MTUS2: variants seen among roughly 807,000 people sequenced by gnomAD.
MTUS2 encodes the protein microtubule-associated tumor suppressor candidate 2.
Under a neutral mutation model 114.1 loss-of-function variants are expected in MTUS2, and 40 were observed. The ratio of observed to expected loss-of-function variants is 0.35; its 90% CI spans 0.27 to 0.46. The LOEUF (loss-of-function observed/expected upper bound fraction) is 0.46. Among genes scored for constraint, MTUS2 ranks in the 20% least tolerant of loss-of-function variants. MTUS2 has a pLI of 1.00. For missense variants in MTUS2, 1,679 were observed against 1,705.4 expected, an observed-to-expected ratio of 0.98 and a Z score of 0.27; for synonymous variants, 688 against 672.0, an observed-to-expected ratio of 1.02 and a Z score of -0.37.
intron 5 of MTUS2, among the ~76,000 whole-genome samples, chr13:29,101,930 T>TGGG (rs1185155854): frequency 6.6e-6 from 1 of 152,244 alleles, no homozygotes; most frequent in African/African-American, 2.4e-5. Context: ...AGTTCTAAAT[T>TGGG]TTGGTCTACC....
intron 7 of MTUS2, among the ~76,000 whole-genome samples, chr13:29,355,574 A>T (rs765528378): frequency 4.6e-5 from 7 of 152,216 alleles, no homozygotes; most frequent in Non-Finnish European, 8.8e-5. Context: ...AGGACAATGG[A>T]TTGCCTGAGG....
chr13:28,932,954 TA>T (rs1881693548), intron 2 of MTUS2, among the ~76,000 whole-genome samples: 1 of 152,018 alleles, frequency 6.6e-6, no homozygotes, highest in Admixed American at 6.6e-5. Context: ...ACATCCAAAA[TA>T]AAGGGCATAG....
intron 2 of MTUS2, among the ~76,000 whole-genome samples, chr13:28,927,017 G>A (rs1881362410): frequency 6.6e-6 from 1 of 152,106 alleles, no homozygotes. Context: ...CTTCCCTGGG[G>A]AGTCAGGTGC....
At chr13:29,184,255 T>C (rs1401445466) in intron 5 of MTUS2, among the ~76,000 whole-genome samples, 2 of 152,206 alleles carry the variant, frequency 1.3e-5, no homozygotes, top group Non-Finnish European at 2.9e-5. Flanking sequence ...TCTATTAATA[T>C]ATAAAACATT....
intron 2 of MTUS2, among the ~76,000 whole-genome samples, chr13:28,879,509 A>G (rs951617019): frequency 6.6e-6 from 1 of 152,108 alleles, no homozygotes; most frequent in African/African-American, 2.4e-5. Flanking sequence ...GGTTGCCAAG[A>G]CTTCTGACCT....
chr13:29,167,234 G>C (rs1024773643), intron 5 of MTUS2, among the ~76,000 whole-genome samples: 1 of 152,064 alleles, frequency 6.6e-6, no homozygotes, highest in Non-Finnish European at 1.5e-5. Context: ...AATTAGCCGG[G>C]TGTGGTTGCG....
At chr13:29,356,548 G>A (rs1386910666) in intron 7 of MTUS2, among the ~76,000 whole-genome samples, 3 of 152,138 alleles carry the variant, frequency 2.0e-5, no homozygotes, top group African/African-American at 2.4e-5. Context: ...CCCTGGGGAC[G>A]GTATGACATG....
chr13:29,503,219 G>A lies in MTUS2; in HGVS notation c.*13G>A, dbSNP rs1191784597. 6.2e-7 allele frequency: 1 copy of A among 1,612,244 alleles called. No homozygotes were observed. The highest frequency in any genetic ancestry group is 1.7e-5 in the Admixed American group (1 of 60,026). ...AACACCCAGATGACGCCACTACACGGCCTGCGGGAGCTCCGGCTTCTCGTC... is the reference window on the plus strand; with the variant it reads ...AACACCCAGATGACGCCACTACACGACCTGCGGGAGCTCCGGCTTCTCGTC... On this transcript the variant is annotated 3_prime_UTR_variant, in exon 16 of 16. Coordinates refer to ENST00000612955, the MANE Select transcript of MTUS2 (RefSeq NM_001033602.4).
At chr13:29,498,602 A>G in intron 14 of MTUS2, 65 bp downstream of exon 14, 1 of 1,600,810 alleles carries the variant, frequency 6.2e-7, no homozygotes, top group Non-Finnish European at 8.5e-7. Flanking sequence ...CACTGATGTC[A>G]TCGTTGATGG....
intron 5 of MTUS2, among the ~76,000 whole-genome samples, chr13:29,183,401 G>A (rs1894090279): frequency 6.6e-6 from 1 of 152,168 alleles, no homozygotes; most frequent in Non-Finnish European, 1.5e-5. Flanking sequence ...GGTAGGGTCA[G>A]AAATCAGAAG....
At chr13:28,870,018 T>C (rs1249007502) in intron 2 of MTUS2, among the ~76,000 whole-genome samples, 1 of 152,218 alleles carries the variant, frequency 6.6e-6, no homozygotes, top group Non-Finnish European at 1.5e-5. Context: ...CACATATTCA[T>C]GGGTATGGGT....
chr13:29,425,012 A>T (rs561222591), intron 8 of MTUS2, among the ~76,000 whole-genome samples: 4 of 152,296 alleles, frequency 2.6e-5, no homozygotes, highest in Non-Finnish European at 1.5e-5. Context: ...AATTATTGTC[A>T]CTTTTATTGT....
At chr13:28,892,788 C>G (rs1879010190) in intron 2 of MTUS2, among the ~76,000 whole-genome samples, 2 of 152,138 alleles carry the variant, frequency 1.3e-5, no homozygotes, top group Non-Finnish European at 2.9e-5. Flanking sequence ...TATGGCCTTG[C>G]AATGAACCTC....
chr13:29,129,577 T>TATGGC (rs10694315), intron 5 of MTUS2, among the ~76,000 whole-genome samples: 3 of 151,448 alleles, frequency 2.0e-5, no homozygotes, highest in Non-Finnish European at 4.4e-5. Context: ...TTTTTATTGA[T>TATGGC]ATATTTGTTC....
intron 1 of MTUS2, among the ~76,000 whole-genome samples, chr13:28,834,802 T>C (rs1168438407): frequency 6.6e-6 from 1 of 152,062 alleles, no homozygotes; most frequent in African/African-American, 2.4e-5. Context: ...CCAGAATATA[T>C]AAAAATGATT....
chr13:29,072,388 A>G (rs561024484), intron 4 of MTUS2, among the ~76,000 whole-genome samples: 1 of 152,304 alleles, frequency 6.6e-6, no homozygotes, highest in South Asian at 2.1e-4. Flanking sequence ...TCAACAAAAC[A>G]TTGACTAGAT....
chr13:28,994,348 G>T (rs888394495), intron 2 of MTUS2, among the ~76,000 whole-genome samples: 4 of 152,172 alleles, frequency 2.6e-5, no homozygotes, highest in Admixed American at 6.5e-5. Flanking sequence ...TGTGAATAGT[G>T]CTGCAATAAA....
At chr13:28,847,506 T>C (rs946302751) in intron 2 of MTUS2, among the ~76,000 whole-genome samples, 4 of 152,088 alleles carry the variant, frequency 2.6e-5, no homozygotes, top group Non-Finnish European at 4.4e-5. Flanking sequence ...GGATAACTTA[T>C]TGTGATTTTG....
At chr13:29,116,186 A>G (rs1231306087) in intron 5 of MTUS2, among the ~76,000 whole-genome samples, 3 of 152,248 alleles carry the variant, frequency 2.0e-5, no homozygotes, top group African/African-American at 7.2e-5. Flanking sequence ...TCTGTCAAGC[A>G]AGTCAGAACT....
Sources: gnomAD v4.1 joint callset for allele counts (sites outside exome capture counted in the v4.1 genomes callset) on GRCh38, gnomAD v4.1.1 for gene constraint, MANE v1.5 for transcripts, NCBI Gene and HGNC (gene_info 2026-07-23, HGNC 2026-07-21) for gene names.